The following NEURL1B variants were observed in gnomAD, a reference collection of about 807,000 sequenced individuals.
The protein encoded by NEURL1B is E3 ubiquitin-protein ligase NEURL1B.
A neutral mutation model predicts 37.4 loss-of-function variants in NEURL1B; 13 were observed. The observed-to-expected ratio is 0.35, with a 90% CI of 0.23 to 0.55. The LOEUF is 0.55. Ranked by LOEUF, NEURL1B falls within the 20% of genes least tolerant of loss-of-function variation. The pLI is 0.89. For synonymous variants in NEURL1B, 432 were observed against 426.6 expected (o/e 1.01, Z -0.16); for missense variants, 790 against 879.2 (o/e 0.90, Z 1.28).
rs1758503711 is a variant in NEURL1B, at chr5:172,686,658, T to C, written c.1424-23T>C. 1.9e-6 allele frequency: 3 copies of C among 1,544,516 alleles called. No homozygotes were observed. Among genetic ancestry groups the C allele is most frequent in the South Asian group, 1.2e-5 (1 of 83,904 alleles). On this transcript the variant is annotated intron_variant, in intron 4 of 4. Transcript: ENST00000369800. This position sits in a 1 kb window ranked among gnomAD's most constrained non-coding sequence, Gnocchi z 7.9. ...ACCTGAGAGAGACATTGTTAACATA[T>C]GTCCTCTTCTCCCTTTCGGCAGTGA...
At chr5:172,678,660 T>G (rs1673255237) in intron 2 of NEURL1B, among the ~76,000 whole-genome samples, 1 of 152,102 alleles carries the variant, frequency 6.6e-6, no homozygotes, top group African/African-American at 2.4e-5. Flanking sequence ...TGGCAGTAAG[T>G]GACACCACCC....
In NEURL1B at chr5:172,641,310, C is replaced by G; in HGVS notation, c.-97C>G. ...GGCTCGCCCGTGCAGCTGCGATGCC[C>G]CGGAGCGTCGACCCCGGTCCTGGTC... On this transcript the variant is annotated 5_prime_UTR_variant, in exon 1 of 5. Coordinates refer to ENST00000369800, the MANE Select transcript of NEURL1B (RefSeq NM_001142651.3). The surrounding 1 kb of genome is among the most constrained non-coding windows in gnomAD (Gnocchi z 6.4). 1 of 1,115,536 alleles carries G rather than the reference C, an allele frequency of 9.0e-7. No individual in the cohort carries two copies. Among genetic ancestry groups the G allele is most frequent in the Non-Finnish European group, 1.1e-6 (1 of 883,302 alleles). The allele number at this position is 1,115,536 out of a possible 1,614,324, so 69.1% of individuals were successfully genotyped here.
At chr5:172,660,477 C>G (rs771842835) in intron 1 of NEURL1B, among the ~76,000 whole-genome samples, 43 of 152,216 alleles carry the variant, frequency 2.8e-4, no homozygotes, top group Non-Finnish European at 4.1e-4. Flanking sequence ...GCAAAGGGAG[C>G]AGAGTGGCAG....
intron 2 of NEURL1B, among the ~76,000 whole-genome samples, chr5:172,680,420 G>C (rs954937411): frequency 3.2e-5 from 4 of 125,372 alleles, no homozygotes; most frequent in African/African-American, 1.1e-4. Flanking sequence ...GAGAGTTGGC[G>C]GGGGGGAAGG....
intron 1 of NEURL1B, among the ~76,000 whole-genome samples, chr5:172,669,221 C>T (rs1758073254): frequency 6.6e-6 from 1 of 152,154 alleles, no homozygotes; most frequent in Admixed American, 6.5e-5. Context: ...CCCATACCTC[C>T]CACCTAGGAA....
chr5:172,688,068 TTC>T lies in NEURL1B; in HGVS notation c.*1148_*1149del, dbSNP rs1040169559. Reference sequence around the variant, plus strand: ...GTAACGAAAAATGCTGGCACTGGGATTCTCTCCCTTCCCAGACCTACCTGCTG... The same window carrying T: ...GTAACGAAAAATGCTGGCACTGGGATTCTCCCTTCCCAGACCTACCTGCTG... On this transcript the variant is annotated 3_prime_UTR_variant, in exon 5 of 5. Coordinates refer to ENST00000369800, the MANE Select transcript of NEURL1B (RefSeq NM_001142651.3). The surrounding 1 kb of genome is among the most constrained non-coding windows in gnomAD (Gnocchi z 4.3). The T allele has an allele frequency of 2.0e-5, 3 of 152,718 alleles. No homozygotes were observed. Among genetic ancestry groups the T allele is most frequent in the African/African-American group, 7.2e-5 (3 of 41,458 alleles). 9.5% of individuals were successfully genotyped at this position (152,718 alleles called of 1,614,324 possible).
In NEURL1B at chr5:172,683,373, G is replaced by C. The variant is rs1282792514; in HGVS notation, c.578-46G>C. On this transcript the variant is annotated intron_variant, in intron 2 of 4. Coordinates refer to ENST00000369800, the MANE Select transcript of NEURL1B (RefSeq NM_001142651.3). This position sits in a 1 kb window ranked among gnomAD's most constrained non-coding sequence, Gnocchi z 5.6. ...GCGAGGAGGGGCTCGCGACCAGCCTGACGCGCGGCCTCTCCCCCTCCATGT... is the reference window on the plus strand; with the variant it reads ...GCGAGGAGGGGCTCGCGACCAGCCTCACGCGCGGCCTCTCCCCCTCCATGT... The C allele has an allele frequency of 7.8e-7, 1 of 1,275,456 alleles. No homozygotes were observed. The highest frequency in any genetic ancestry group is 9.9e-7 in the Non-Finnish European group (1 of 1,007,196). The allele number at this position is 1,275,456 out of a possible 1,614,324, so 79.0% of individuals were successfully genotyped here.
intron 1 of NEURL1B, among the ~76,000 whole-genome samples, chr5:172,655,582 T>C (rs1757758067): frequency 6.6e-6 from 1 of 152,128 alleles, no homozygotes; most frequent in African/African-American, 2.4e-5. Flanking sequence ...GGGTGGTCAT[T>C]CACGCACACA....
intron 1 of NEURL1B, among the ~76,000 whole-genome samples, chr5:172,643,622 G>A (rs1757508088): frequency 6.6e-6 from 1 of 152,124 alleles, no homozygotes; most frequent in African/African-American, 2.4e-5. Flanking sequence ...TGTATCCCTG[G>A]TTGCCCATCC....
intron 1 of NEURL1B, among the ~76,000 whole-genome samples, chr5:172,648,844 C>T (rs935896752): frequency 1.3e-5 from 2 of 152,260 alleles, no homozygotes; most frequent in African/African-American, 2.4e-5. Flanking sequence ...TGGGGATTCC[C>T]AGCAGATAGT....
At chr5:172,670,887 C>T (rs1758118624) in intron 2 of NEURL1B, among the ~76,000 whole-genome samples, 2 of 152,142 alleles carry the variant, frequency 1.3e-5, no homozygotes, top group African/African-American at 4.8e-5. Flanking sequence ...TTAGGTGTGG[C>T]GAACCCCGGC....
At position 172,665,877 on chromosome 5, in the gene NEURL1B, G is replaced by T. The variant is rs550075964; in HGVS notation, c.32-3908G>T. On this transcript the variant is annotated intron_variant, in intron 1 of 4. Transcript: ENST00000369800. This position sits in a 1 kb window ranked among gnomAD's most constrained non-coding sequence, Gnocchi z 4.1. ...GATGGTCTTTATCACGCCTGTTGTCGTTGGGCATTCAGCTGTGTGTCTGCT... is the reference window on the plus strand; with the variant it reads ...GATGGTCTTTATCACGCCTGTTGTCTTTGGGCATTCAGCTGTGTGTCTGCT... Among the ~76,000 whole-genome samples the T allele has an allele frequency of 3.9e-5, 6 of 152,252 alleles. No homozygotes were observed. The highest frequency in any genetic ancestry group is 6.8e-3 in the Middle Eastern group (2 of 294).
chr5:172,664,678 C>T (rs1757975598), intron 1 of NEURL1B, among the ~76,000 whole-genome samples: 1 of 152,168 alleles, frequency 6.6e-6, no homozygotes, highest in Admixed American at 6.5e-5. Flanking sequence ...TGCCCTGAAC[C>T]CAGCTAAAAG....
In NEURL1B at chr5:172,683,307, C is replaced by G; in HGVS notation, c.578-112C>G. The G allele has an allele frequency of 8.3e-7, 1 of 1,205,476 alleles. No homozygotes were observed. Among genetic ancestry groups the G allele is most frequent in the Non-Finnish European group, 1.0e-6 (1 of 959,638 alleles). 74.7% of individuals were successfully genotyped at this position (1,205,476 alleles called of 1,614,324 possible). A position where few individuals can be genotyped will look rare whatever the true frequency, so the allele number is the denominator to read the frequency against. On this transcript the variant is annotated intron_variant, in intron 2 of 4. Coordinates refer to ENST00000369800, the MANE Select transcript of NEURL1B (RefSeq NM_001142651.3). This position sits in a 1 kb window ranked among gnomAD's most constrained non-coding sequence, Gnocchi z 5.6. ...AAGCCGGGGTGGGGTGGGGGCTGCT[C>G]GAGGCCCGGGTCGGTCGTGGAGGCC...
chr5:172,661,936 G>A lies in NEURL1B; in HGVS notation c.32-7849G>A, dbSNP rs1357543920. Among the ~76,000 whole-genome samples the A allele has an allele frequency of 1.3e-5, 2 of 152,232 alleles. No individual in the cohort carries two copies. The highest frequency in any genetic ancestry group is 6.5e-5 in the Admixed American group (1 of 15,290). ...AGTTTAAAAATAGGCTTCTGTCCTT[G>A]GACACCAAGGGGAAGCAACCCCAGG... On this transcript the variant is annotated intron_variant, in intron 1 of 4. Coordinates refer to ENST00000369800, the MANE Select transcript of NEURL1B (RefSeq NM_001142651.3). The surrounding 1 kb of genome is among the most constrained non-coding windows in gnomAD (Gnocchi z 4.0).
intron 2 of NEURL1B, among the ~76,000 whole-genome samples, chr5:172,672,720 G>A (rs1313017471): frequency 3.3e-5 from 5 of 152,114 alleles, no homozygotes; most frequent in Admixed American, 1.3e-4. Flanking sequence ...CCTGGCACAG[G>A]TGCCACAGGA....
intron 2 of NEURL1B, among the ~76,000 whole-genome samples, chr5:172,678,394 C>G (rs946950329): frequency 1.3e-5 from 2 of 152,162 alleles, no homozygotes; most frequent in African/African-American, 4.8e-5. Flanking sequence ...CCCTTGAACC[C>G]CAGGCCTCCC....
At chr5:172,655,868 G>A (rs1256769748) in intron 1 of NEURL1B, among the ~76,000 whole-genome samples, 1 of 152,098 alleles carries the variant, frequency 6.6e-6, no homozygotes, top group African/African-American at 2.4e-5. Context: ...CCCCTGAGGG[G>A]AATATAATCA....
intron 1 of NEURL1B, among the ~76,000 whole-genome samples, chr5:172,651,472 A>G (rs973974082): frequency 1.3e-5 from 2 of 152,198 alleles, no homozygotes; most frequent in Admixed American, 6.5e-5. Context: ...GTTGCTGGCT[A>G]ACTCATTGGA....
Sources: gnomAD v4.1 joint callset for allele counts (sites outside exome capture counted in the v4.1 genomes callset) on GRCh38, gnomAD v4.1.1 for gene constraint, Gnocchi (gnomAD v3.1) non-coding constraint, MANE v1.5 for transcripts, NCBI Gene and HGNC (gene_info 2026-07-23, HGNC 2026-07-21) for gene names.